UBE2G1: variants seen among roughly 807,000 people sequenced by gnomAD.
UBE2G1 encodes ubiquitin conjugating enzyme E2 G1.
A neutral mutation model predicts 22.7 loss-of-function variants in UBE2G1; 5 were observed. The observed-to-expected ratio is 0.22, with a 90% confidence interval of 0.12 to 0.46. UBE2G1 has a LOEUF of 0.46. Among genes scored for constraint, UBE2G1 ranks in the 20% least tolerant of loss-of-function variants. The pLI, the probability that UBE2G1 is intolerant of heterozygous loss-of-function variation, is 0.99. For missense variants in UBE2G1, 88 were observed against 203.9 expected (o/e 0.43, Z 3.46); for synonymous variants, 74 against 67.5 (o/e 1.10, Z -0.47).
At chr17:4,302,226 G>T in intron 2 of UBE2G1, 1 of 487,970 alleles carries the variant, frequency 2.0e-6, no homozygotes, top group Non-Finnish European at 4.2e-6. Flanking sequence ...GAACAGTGTT[G>T]TATATGTCGT....
At chr17:4,296,694 A>G (rs1253783575) in intron 3 of UBE2G1, 23 bp downstream of exon 3, 1 of 1,604,996 alleles carries the variant, frequency 6.2e-7, no homozygotes, top group African/African-American at 1.3e-5. Context: ...TGCAAATGTA[A>G]AAGTAAAACT....
At chr17:4,333,700 A>C (rs1969611222) in intron 1 of UBE2G1, among the ~76,000 whole-genome samples, 1 of 152,092 alleles carries the variant, frequency 6.6e-6, no homozygotes, top group Non-Finnish European at 1.5e-5. Flanking sequence ...ACGCACCTGT[A>C]GTCCCAGCTA....
intron 1 of UBE2G1, among the ~76,000 whole-genome samples, chr17:4,359,430 C>T (rs976207723): frequency 8.5e-5 from 13 of 152,226 alleles, no homozygotes; most frequent in African/African-American, 1.7e-4. Context: ...AAAATATTTC[C>T]GCTTACAAAA....
At chr17:4,360,215 G>A (rs1969951743) in intron 1 of UBE2G1, among the ~76,000 whole-genome samples, 1 of 151,968 alleles carries the variant, frequency 6.6e-6, no homozygotes, top group Non-Finnish European at 1.5e-5. Flanking sequence ...ACCCTTAGAG[G>A]TCATCTAAAT....
At chr17:4,301,634 T>C (rs577523781) in intron 2 of UBE2G1, 1 of 891,060 alleles carries the variant, frequency 1.1e-6, no homozygotes, top group East Asian at 2.5e-5. Flanking sequence ...GCACAATTAC[T>C]TTTAGCTGTT....
rs1208370323 is a variant in UBE2G1 at position 4,366,076 on chromosome 17, T to C, written c.46+195A>G. ...GTCCCTGGGCCGGAGCTGGGTCGCG[T>C]CCCCGCCCCCAGTGCCCTCCAAGAG... is the stretch of plus-strand genomic sequence containing the variant. On this transcript the variant is annotated intron_variant, in intron 1 of 5. Transcript: ENST00000396981. 1.1e-4 allele frequency among the ~76,000 whole-genome samples: 17 copies of C among 151,872 alleles called. No homozygotes were observed. The East Asian group carries it at 3.3e-3, about 30-fold the overall frequency.
intron 1 of UBE2G1, among the ~76,000 whole-genome samples, chr17:4,318,743 C>G (rs1969404429): frequency 6.6e-6 from 1 of 152,166 alleles, no homozygotes; most frequent in African/African-American, 2.4e-5. Context: ...CTTTTACCTT[C>G]CCCACATTAT....
At chr17:4,329,419 A>G (rs2143774572) in intron 1 of UBE2G1, among the ~76,000 whole-genome samples, 1 of 150,384 alleles carries the variant, frequency 6.6e-6, no homozygotes, top group Non-Finnish European at 1.5e-5. Context: ...TTAGCCGGGC[A>G]TGGTGGCATG....
rs1302801659 is a variant in UBE2G1, at chr17:4,295,111, C to T, written c.247+1606G>A. ...CAACATTCAGAATCTGTTACATCTTCGAAATAGGTGCAAAACGATTGCCTA... is the reference window on the plus strand; with the variant it reads ...CAACATTCAGAATCTGTTACATCTTTGAAATAGGTGCAAAACGATTGCCTA... On this transcript the variant is annotated intron_variant, in intron 3 of 5. Transcript: ENST00000396981. 2.6e-5 allele frequency among the ~76,000 whole-genome samples: 4 copies of T among 152,120 alleles called. No individual in the cohort carries two copies. In the East Asian group the frequency reaches 7.7e-4, roughly 29 times the overall value.
At chr17:4,277,503 C>T (rs757760360) in intron 5 of UBE2G1, among the ~76,000 whole-genome samples, 7 of 152,170 alleles carry the variant, frequency 4.6e-5, no homozygotes, top group Non-Finnish European at 7.3e-5. Flanking sequence ...CTCTATTCTT[C>T]CTACCCCACA....
chr17:4,344,376 T>C (rs1969745765), intron 1 of UBE2G1, among the ~76,000 whole-genome samples: 2 of 151,738 alleles, frequency 1.3e-5, no homozygotes, highest in South Asian at 2.1e-4. Context: ...CCGTCTCTAC[T>C]AAAACTACAA....
chr17:4,306,181 G>T (rs1308856254), intron 2 of UBE2G1, among the ~76,000 whole-genome samples: 1 of 152,202 alleles, frequency 6.6e-6, no homozygotes, highest in East Asian at 1.9e-4. Flanking sequence ...ACCATGAAAA[G>T]AGACGATCTT....
rs537205641 is a variant in UBE2G1, at chr17:4,290,226, T to G, written c.248-818A>C. On this transcript the variant is annotated intron_variant, in intron 3 of 5. Transcript: ENST00000396981. ...GTAAATTTTTTTAAAAATCATACTT[T>G]GAGGAAGAAATTTTAGAAAGGAATT... 2.6e-5 allele frequency among the ~76,000 whole-genome samples: 4 copies of G among 152,328 alleles called. No individual in the cohort carries two copies. In the South Asian group the frequency reaches 8.3e-4, roughly 32 times the overall value.
chr17:4,274,290 C>T (rs189112969), intron 5 of UBE2G1, among the ~76,000 whole-genome samples: 2 of 151,614 alleles, frequency 1.3e-5, no homozygotes, highest in Non-Finnish European at 2.9e-5. Flanking sequence ...CTCCACCTCC[C>T]GGGTTCGCGC....
intron 5 of UBE2G1, among the ~76,000 whole-genome samples, chr17:4,280,572 A>C (rs1968876331): frequency 6.6e-6 from 1 of 150,536 alleles, no homozygotes; most frequent in African/African-American, 2.4e-5. Context: ...TGGTCTTGTA[A>C]GTGATCTGCC....
At chr17:4,298,677 G>A (rs1465056472) in intron 2 of UBE2G1, among the ~76,000 whole-genome samples, 1 of 152,148 alleles carries the variant, frequency 6.6e-6, no homozygotes, top group Admixed American at 6.5e-5. Context: ...AAAAAAAGCT[G>A]TAAAGGGTTA....
chr17:4,329,721 T>C (rs537147910), intron 1 of UBE2G1, among the ~76,000 whole-genome samples: 1 of 152,292 alleles, frequency 6.6e-6, no homozygotes, highest in East Asian at 1.9e-4. Context: ...AAAATAATAC[T>C]GATGTATTTT....
At chr17:4,348,081 T>C (rs1969800145) in intron 1 of UBE2G1, among the ~76,000 whole-genome samples, 1 of 152,152 alleles carries the variant, frequency 6.6e-6, no homozygotes, top group Non-Finnish European at 1.5e-5. Flanking sequence ...TTAAGATTAG[T>C]GGACACCTGG....
intron 5 of UBE2G1, among the ~76,000 whole-genome samples, chr17:4,277,917 AT>A (rs754075993): frequency 5.0e-3 from 724 of 144,706 alleles, no homozygotes; most frequent in African/African-American, 8.0e-3. Context: ...TATCTTTTAC[AT>A]TTTTTTTTTT....
Sources: gnomAD v4.1 joint callset for allele counts (sites outside exome capture counted in the v4.1 genomes callset) on GRCh38, gnomAD v4.1.1 for gene constraint, MANE v1.5 for transcripts, NCBI Gene and HGNC (gene_info 2026-07-23, HGNC 2026-07-21) for gene names.